PRUNE2: variants seen among roughly 807,000 people sequenced by gnomAD.
The protein encoded by PRUNE2 is prune homolog 2 with BCH domain, also known as protein prune homolog 2.
Under a neutral mutation model 252.0 loss-of-function variants are expected in PRUNE2, and 164 were observed. That is an observed-to-expected ratio of 0.65 (90% CI 0.57 to 0.74). The LOEUF (loss-of-function observed/expected upper bound fraction) is 0.74, where lower values mean the gene tolerates loss of function less well. PRUNE2 is among the 30% of genes least tolerant of loss of function. The pLI is 0.00. For missense variants in PRUNE2, 3,495 were observed against 3,711.0 expected (o/e 0.94, Z 1.51); for synonymous variants, 1,292 against 1,350.2 (o/e 0.96, Z 0.94).
In PRUNE2 at chr9:76,711,398, C is replaced by T. The variant is rs1456413543; in HGVS notation, c.916-40G>A. 9.2e-6 allele frequency: 13 copies of T among 1,418,576 alleles called. No homozygotes were observed. The Admixed American group carries it at 2.0e-4, about 21-fold the overall frequency. The allele number at this position is 1,418,576 out of a possible 1,614,324, so 87.9% of individuals were successfully genotyped here. ...AGGAATTTGTGTCAGCACTCAAGCA[C>T]TGTTGCACTTTGCAATTGCACTTTG... On this transcript the variant is annotated intron_variant, in intron 7 of 18. Coordinates refer to ENST00000376718, the MANE Select transcript of PRUNE2 (RefSeq NM_015225.3).
chr9:76,701,465 G>A (rs2045882420), intron 9 of PRUNE2, among the ~76,000 whole-genome samples: 1 of 152,174 alleles, frequency 6.6e-6, no homozygotes, highest in Non-Finnish European at 1.5e-5. Flanking sequence ...TCATCTGTTG[G>A]ATCTCGGGGC....
chr9:76,697,979 G>C (rs1376304044), intron 9 of PRUNE2, among the ~76,000 whole-genome samples: 1 of 152,094 alleles, frequency 6.6e-6, no homozygotes, highest in Non-Finnish European at 1.5e-5. Context: ...GCATGACAGA[G>C]AGAGAAAGCA....
chr9:76,685,878 C>T (rs184514351), intron 9 of PRUNE2, among the ~76,000 whole-genome samples: 49 of 152,314 alleles, frequency 3.2e-4, no homozygotes, highest in African/African-American at 1.2e-3. Context: ...TCCTTTCATT[C>T]ATCTTCTCTG....
intron 9 of PRUNE2, among the ~76,000 whole-genome samples, chr9:76,689,561 C>G: frequency 6.6e-6 from 1 of 151,772 alleles, no homozygotes; most frequent in African/African-American, 2.4e-5. Context: ...TCTATAGAGA[C>G]CAGCTCAGGC....
intron 6 of PRUNE2, chr9:76,823,240 TTTTTTTC>T (rs142328949): frequency 0.011 from 1,695 of 155,192 alleles, 28 homozygotes; most frequent in East Asian, 0.062. Flanking sequence ...ACAACTTGCT[TTTTTTTC>T]TTTTTTCTTT....
At chr9:76,767,816 A>G (rs967544341) in intron 6 of PRUNE2, among the ~76,000 whole-genome samples, 27 of 152,316 alleles carry the variant, frequency 1.8e-4, no homozygotes, top group African/African-American at 6.3e-4. Flanking sequence ...CCTATCTTCT[A>G]TCCGAACACT....
At chr9:76,884,995 A>G (rs570122653) in intron 1 of PRUNE2, among the ~76,000 whole-genome samples, 1 of 152,344 alleles carries the variant, frequency 6.6e-6, no homozygotes, top group Admixed American at 6.5e-5. Flanking sequence ...AGGAAACAGA[A>G]ACAGAATCAC....
At chr9:76,809,562 C>T (rs181525574) in intron 6 of PRUNE2, among the ~76,000 whole-genome samples, 2 of 152,040 alleles carry the variant, frequency 1.3e-5, no homozygotes, top group East Asian at 1.9e-4. Flanking sequence ...TGGACGTGGT[C>T]GCGCGCACCT....
At chr9:76,713,414 C>A (rs542500464) in intron 7 of PRUNE2, 149 bp downstream of exon 7, 34 of 478,304 alleles carry the variant, frequency 7.1e-5, no homozygotes, top group African/African-American at 5.4e-4. Flanking sequence ...AAAAGTACCC[C>A]CATCATTTCC....
At chr9:76,660,781 CAAAA>C (rs11432174) in intron 9 of PRUNE2, among the ~76,000 whole-genome samples, 5 of 101,054 alleles carry the variant, frequency 4.9e-5, no homozygotes, top group African/African-American at 1.2e-4. Context: ...GACTCTGAAT[CAAAA>C]AAAAAAAAAA....
At position 76,631,330 on chromosome 9, in the gene PRUNE2, T is replaced by C. The variant is rs138143804; in HGVS notation, c.9051-2040A>G. ...ACATGCCATGTTCTCTCTTTATTGATGTATTTGTATCTGGCGTTTTGTCTA... is the reference window on the plus strand; with the variant it reads ...ACATGCCATGTTCTCTCTTTATTGACGTATTTGTATCTGGCGTTTTGTCTA... On this transcript the variant is annotated intron_variant, in intron 15 of 18. Transcript: ENST00000376718. Among the ~76,000 whole-genome samples the C allele has an allele frequency of 2.0e-3, 308 of 152,324 alleles. 2 individuals carry two copies. The highest frequency in any genetic ancestry group is 0.013 in the South Asian group (64 of 4,822).
chr9:76,707,505 T>A lies in PRUNE2; in HGVS notation c.4769A>T (p.Asp1590Val), dbSNP rs764524444. Residue 1590 changes from aspartate (D) to valine (V), a missense_variant, in exon 8 of 19, where the codon GAT becomes GTT. Asp to Val is a radical substitution (Grantham distance 152). Transcript: ENST00000376718. ...TTTGGTAACTATTTCTACTTGGCCA[T>A]CAGTGGTAATTAGTTCAGATTCTTG... ...NHQESELITT[D>V]GQVEIVTKVK... 4 of 1,613,784 alleles carry A rather than the reference T, an allele frequency of 2.5e-6. No individual in the cohort carries two copies. Among genetic ancestry groups the A allele is most frequent in the Non-Finnish European group, 3.4e-6 (4 of 1,179,798 alleles).
chr9:76,829,764 T>TA (rs2058563680), intron 4 of PRUNE2, among the ~76,000 whole-genome samples: 1 of 151,826 alleles, frequency 6.6e-6, no homozygotes, highest in South Asian at 2.1e-4. Flanking sequence ...TTTTTTTTTT[T>TA]AATCTGCCAC....
intron 9 of PRUNE2, among the ~76,000 whole-genome samples, chr9:76,675,847 T>C (rs1305682339): frequency 8.1e-6 from 1 of 124,078 alleles, no homozygotes; most frequent in Non-Finnish European, 1.7e-5. Flanking sequence ...TTCTCACTCA[T>C]AGGTGGGAAT....
At chr9:76,676,064 A>AT (rs1175899748) in intron 9 of PRUNE2, among the ~76,000 whole-genome samples, 1,391 of 54,170 alleles carry the variant, frequency 0.026, 12 homozygotes, top group African/African-American at 0.049. Flanking sequence ...TTAAAGTATA[A>AT]TAAAAAAAAA....
intron 9 of PRUNE2, among the ~76,000 whole-genome samples, chr9:76,664,239 C>G (rs1436578900): frequency 6.6e-6 from 1 of 152,080 alleles, no homozygotes; most frequent in Non-Finnish European, 1.5e-5. Flanking sequence ...AACCAGCTAC[C>G]CTGTTGTAAG....
At chr9:76,674,651 T>C (rs2042162267) in intron 9 of PRUNE2, among the ~76,000 whole-genome samples, 1 of 149,252 alleles carries the variant, frequency 6.7e-6, no homozygotes, top group Admixed American at 6.8e-5. Context: ...TCACACTACC[T>C]GACTTCAAAC....
At chr9:76,820,307 T>C (rs1564371758) in intron 6 of PRUNE2, among the ~76,000 whole-genome samples, 1 of 152,210 alleles carries the variant, frequency 6.6e-6, no homozygotes, top group Non-Finnish European at 1.5e-5. Flanking sequence ...GTAACTTATA[T>C]AACAATGAAT....
intron 1 of PRUNE2, among the ~76,000 whole-genome samples, chr9:76,903,211 T>C (rs181399138): frequency 6.6e-5 from 10 of 152,348 alleles, no homozygotes; most frequent in East Asian, 3.9e-4. Context: ...CTATGGCTAA[T>C]AGCAATTCCA....
Sources: gnomAD v4.1 joint callset for allele counts (sites outside exome capture counted in the v4.1 genomes callset) on GRCh38, gnomAD v4.1.1 for gene constraint, MANE v1.5 for transcripts, NCBI Gene and HGNC (gene_info 2026-07-23, HGNC 2026-07-21) for gene names.